ANO1: variants seen among roughly 807,000 people sequenced by gnomAD.
The protein encoded by ANO1 is anoctamin-1.
A neutral mutation model predicts 124.0 loss-of-function variants in ANO1; 59 were observed. The observed-to-expected ratio is 0.48, with a 90% CI of 0.39 to 0.59. The LOEUF (loss-of-function observed/expected upper bound fraction) is 0.59. Ranked by LOEUF, ANO1 falls within the 20% of genes least tolerant of loss-of-function variation. The probability of loss-of-function intolerance (pLI) is 0.00; values close to 1 mark genes in which losing one functional copy is unlikely to be tolerated. For synonymous variants in ANO1, 529 were observed against 532.0 expected, an observed-to-expected ratio of 0.99 and a Z score of 0.08; for missense variants, 1,059 against 1,328.0, an observed-to-expected ratio of 0.80 and a Z score of 3.15.
At chr11:70,017,964 TC>T (rs1856732644) in intron 1 of ANO1, among the ~76,000 whole-genome samples, 1 of 152,040 alleles carries the variant, frequency 6.6e-6, no homozygotes, top group African/African-American at 2.4e-5. Flanking sequence ...CTCAATCCCC[TC>T]CAAGAAAGAT....
chr11:69,985,903 G>C (rs1386857797), upstream of ANO1: 1 of 152,242 alleles, frequency 6.6e-6, no homozygotes, highest in Non-Finnish European at 1.5e-5. Flanking sequence ...GGAGCGGCGC[G>C]GCCGTGAGCG....
rs200770702 is a variant in ANO1, at chr11:70,052,531, C to CTTTTTTT, written c.59-25979_59-25973dup. Among the ~76,000 whole-genome samples the CTTTTTTT allele has an allele frequency of 1.4e-3, 91 of 65,756 alleles. 4 individuals carry two copies. Among genetic ancestry groups the CTTTTTTT allele is most frequent in the Non-Finnish European group, 1.8e-3 (54 of 29,852 alleles). The allele number at this position is 65,756 out of a possible 152,430, so 43.1% of individuals were successfully genotyped here. The stretch of plus-strand genomic sequence containing the variant: ...TTTGGGGAGAATTTCTTTTTCTTTT[C>CTTTTTTT]TTTTTTTTTTTTTTTTTTTTTTTTT... On this transcript the variant is annotated intron_variant, in intron 1 of 27. Transcript: ENST00000531349.
chr11:70,004,880 A>G (rs7117539), intron 1 of ANO1, among the ~76,000 whole-genome samples: 73,985 of 151,972 alleles, frequency 0.49, 19,287 homozygotes, highest in East Asian at 0.89. Flanking sequence ...TGGGAGTCCC[A>G]GGTGGGTGGA....
chr11:70,089,991 GTTT>G (rs761502666), intron 2 of ANO1, among the ~76,000 whole-genome samples: 1 of 3,094 alleles, frequency 3.2e-4, no homozygotes, highest in Non-Finnish European at 6.4e-4. Context: ...GTTCCCCAGG[GTTT>G]GTTTGTTTGT....
At chr11:70,149,923 C>G (rs1179752930) in intron 12 of ANO1, 131 bp downstream of exon 12, 7 of 948,070 alleles carry the variant, frequency 7.4e-6, no homozygotes, top group Non-Finnish European at 1.1e-5. Context: ...AAGGCCGCCC[C>G]CCATCCCCCA....
intron 2 of ANO1, among the ~76,000 whole-genome samples, chr11:70,096,495 G>A (rs2044969097): frequency 6.6e-6 from 1 of 152,180 alleles, no homozygotes; most frequent in African/African-American, 2.4e-5. Context: ...CCCAAACCCT[G>A]TTATGAACAG....
intron 14 of ANO1, 45 bp downstream of exon 14, chr11:70,153,173 G>A (rs1402546819): frequency 3.4e-6 from 5 of 1,488,866 alleles, no homozygotes; most frequent in South Asian, 2.4e-5. Flanking sequence ...ATAAAACACT[G>A]TGTTCATCAA....
intron 11 of ANO1, among the ~76,000 whole-genome samples, chr11:70,138,631 G>A (rs960928679): frequency 1.2e-4 from 18 of 152,262 alleles, no homozygotes; most frequent in African/African-American, 3.6e-4. Flanking sequence ...GAGGTAAATA[G>A]CTCTATGACC....
chr11:70,044,005 C>CT (rs1331197731), intron 1 of ANO1, among the ~76,000 whole-genome samples: 31 of 152,038 alleles, frequency 2.0e-4, no homozygotes, highest in African/African-American at 7.2e-4. Context: ...TATTATAGCA[C>CT]TATGACATAC....
intron 1 of ANO1, among the ~76,000 whole-genome samples, chr11:70,029,511 A>G (rs1392697963): frequency 2.0e-5 from 3 of 152,136 alleles, no homozygotes; most frequent in South Asian, 2.1e-4. Flanking sequence ...GATGACCTCA[A>G]TCCTTTCTCC....
In ANO1 at chr11:70,161,245, T is replaced by G. The variant is rs2048031829; in HGVS notation, c.1663T>G (p.Ser555Ala). The change falls in exon 17 of 26, where the codon TCC becomes GCC. Residue 555 changes from serine to alanine, a missense_variant. Physicochemically the swap from Ser to Ala is moderately conservative, Grantham distance 99. Around this residue, in one of 2 missense-constraint regions of ANO1, gnomAD observed 809 missense variants for 1,094.9 expected, o/e 0.74. Coordinates refer to ENST00000355303, the MANE Select transcript of ANO1 (RefSeq NM_018043.7). The stretch of plus-strand genomic sequence containing the variant: ...CGCCTTGGCCATGAACTCCTCCCCC[T>G]CCGTGCGGTCCAACATCCGGGTCAC... ...AAALAMNSSP[S>A]VRSNIRVTVT... The G allele has an allele frequency of 6.8e-6, 11 of 1,613,806 alleles. No homozygotes were observed. Among genetic ancestry groups the G allele is most frequent in the Non-Finnish European group, 9.3e-6 (11 of 1,179,784 alleles).
chr11:70,044,260 A>G (rs888709930), intron 1 of ANO1, among the ~76,000 whole-genome samples: 3 of 152,162 alleles, frequency 2.0e-5, no homozygotes, highest in Non-Finnish European at 2.9e-5. Flanking sequence ...ATACAAAAAA[A>G]GCACACATGT....
intron 1 of ANO1, among the ~76,000 whole-genome samples, chr11:70,044,690 A>G (rs542192864): frequency 6.6e-6 from 1 of 152,346 alleles, no homozygotes; most frequent in Non-Finnish European, 1.5e-5. Context: ...GTCATGAAGT[A>G]TCTCCTCATC....
intron 1 of ANO1, among the ~76,000 whole-genome samples, chr11:70,017,897 A>G (rs540265530): frequency 7.2e-5 from 11 of 152,206 alleles, no homozygotes; most frequent in Admixed American, 2.6e-4. Context: ...GGCAGGTTCT[A>G]GCTACCCCCT....
chr11:70,140,542 A>AG (rs2047115239), intron 11 of ANO1, among the ~76,000 whole-genome samples: 1 of 152,098 alleles, frequency 6.6e-6, no homozygotes, highest in Admixed American at 6.6e-5. Context: ...AAGGAAAAAA[A>AG]AAAGAAGAAG....
intron 7 of ANO1, among the ~76,000 whole-genome samples, chr11:70,115,678 C>A (rs1433263215): frequency 6.6e-6 from 1 of 152,170 alleles, no homozygotes; most frequent in Admixed American, 6.5e-5. Context: ...GCCAGCCATG[C>A]CCTGAACCTC....
chr11:70,165,306 T>G (rs2048210589), intron 19 of ANO1, 164 bp from the exon 20 acceptor site: 9 of 632,730 alleles, frequency 1.4e-5, no homozygotes, highest in South Asian at 1.1e-4. Context: ...CAAAGACCCT[T>G]TTTGCAAATA....
intron 1 of ANO1, among the ~76,000 whole-genome samples, chr11:70,042,473 C>T (rs747887551): frequency 4.0e-5 from 6 of 151,890 alleles, no homozygotes; most frequent in Non-Finnish European, 7.4e-5. Flanking sequence ...TGCATTCATG[C>T]ATGCGTGCGT....
Position 70,010,258 on chromosome 11 carries a change from A to T in ANO1, c.58+24092A>T, listed in dbSNP as rs1455129164. Among the ~76,000 whole-genome samples, 6 of 148,758 alleles carry T rather than the reference A, an allele frequency of 4.0e-5. No homozygotes were observed. In the Admixed American group the frequency reaches 4.0e-4, roughly 10 times the overall value. On this transcript the variant is annotated intron_variant, in intron 1 of 27. Transcript: ENST00000531349. ...ATTTAGGCTGGTTTCATATTTTTGC[A>T]ATTGAGAATTGTGCTCAATTGCACA...
Sources: allele counts gnomAD v4.1 joint callset (sites outside exome capture counted in the v4.1 genomes callset), GRCh38; gene constraint gnomAD v4.1.1; regional missense constraint gnomAD v4.1.1; transcripts MANE v1.5; gene names NCBI Gene and HGNC (gene_info 2026-07-23, HGNC 2026-07-21).